The following IFT140 variants were observed in gnomAD, a reference collection of about 807,000 sequenced individuals.
IFT140 encodes the protein intraflagellar transport protein 140 homolog.
A neutral mutation model predicts 164.6 loss-of-function variants in IFT140; 133 were observed. That is an observed-to-expected ratio of 0.81 (90% CI 0.70 to 0.93). The LOEUF (loss-of-function observed/expected upper bound fraction) is 0.93. Among genes scored for constraint, IFT140 ranks in the 40% least tolerant of loss-of-function variants. The pLI is 0.00. For synonymous variants in IFT140, 860 were observed against 817.3 expected (o/e 1.05, Z -0.89); for missense variants, 2,045 against 1,972.3 (o/e 1.04, Z -0.70).
intron 19 of IFT140, among the ~76,000 whole-genome samples, chr16:1,545,063 G>A (rs2032050927): frequency 6.6e-6 from 1 of 152,232 alleles, no homozygotes; most frequent in African/African-American, 2.4e-5. Context: ...TCTTATTTCA[G>A]GACAAGATAG....
At position 1,602,695 on chromosome 16, in the gene IFT140, A is replaced by G. The variant is rs2035859313; in HGVS notation, c.148-104T>C. ...GGCGGCTCACTCCTGTAATTACAGC[A>G]CTTTGGGAGGCTGAGGTGGGTGGAT... On this transcript the variant is annotated intron_variant, in intron 3 of 30. Transcript: ENST00000426508. The G allele has an allele frequency of 3.9e-6, 4 of 1,037,832 alleles. No homozygotes were observed. In the South Asian group the frequency reaches 4.3e-5, roughly 11 times the overall value. The allele number at this position is 1,037,832 out of a possible 1,614,324, so 64.3% of individuals were successfully genotyped here. A position where few individuals can be genotyped will look rare whatever the true frequency, so the allele number is the denominator to read the frequency against.
chr16:1,533,288 G>A lies in IFT140; in HGVS notation c.2400-6492C>T, dbSNP rs1024697267. 1 of 152,150 alleles carries A rather than the reference G, an allele frequency of 6.6e-6. No individual in the cohort carries two copies. Among genetic ancestry groups the A allele is most frequent in the Admixed American group, 6.6e-5 (1 of 15,262 alleles). 9.4% of individuals were successfully genotyped at this position (152,150 alleles called of 1,614,324 possible). On this transcript the variant is annotated intron_variant, in intron 19 of 30. Coordinates refer to ENST00000426508, the MANE Select transcript of IFT140 (RefSeq NM_014714.4). This position sits in a 1 kb window ranked among gnomAD's most constrained non-coding sequence, Gnocchi z 4.7. ...TGGCGGGGGCAGGCCTGGAACACAC[G>A]GGCGGGGGGAGGCTTGTGGTTCCTA...
intron 18 of IFT140, among the ~76,000 whole-genome samples, chr16:1,558,635 C>T (rs1337160572): frequency 6.6e-6 from 1 of 152,162 alleles, no homozygotes; most frequent in African/African-American, 2.4e-5. Context: ...TCGGTGCTCC[C>T]GAGGGACCAC....
At chr16:1,605,050 T>A (rs142337793) in intron 3 of IFT140, among the ~76,000 whole-genome samples, 1 of 152,208 alleles carries the variant, frequency 6.6e-6, no homozygotes, top group East Asian at 1.9e-4. Context: ...CAGAGGGAAC[T>A]TCTAGGCAGG....
intron 15 of IFT140, 63 bp downstream of exon 15, chr16:1,568,154 G>T: frequency 8.5e-7 from 1 of 1,178,048 alleles, no homozygotes. Flanking sequence ...CAGGCAGGAG[G>T]CCTGGCCTGG....
At chr16:1,549,402 C>T (rs1203022983) in intron 19 of IFT140, among the ~76,000 whole-genome samples, 1 of 152,250 alleles carries the variant, frequency 6.6e-6, no homozygotes, top group Admixed American at 6.5e-5. Context: ...GAACGCGGCT[C>T]CAGACGCACC....
rs1183646172 is a variant in IFT140, at chr16:1,571,432, A to C, written c.1627T>G (p.Phe543Val). ...CTTCGGGAAAGATCAAAGCTTTTAA[A>C]GTGAGCCAAGTCTGTCCCTACAACC... The part of the protein sequence containing the change: ...FLVVGTDLAH[F>V]KSFDLSRREA... Residue 543 changes from phenylalanine (F) to valine (V), a missense_variant, in exon 14 of 31, where the codon TTT (phenylalanine) becomes GTT (valine). By Grantham distance (50) the Phe-to-Val change is conservative. Coordinates refer to ENST00000426508, the MANE Select transcript of IFT140 (RefSeq NM_014714.4). The C allele has an allele frequency of 1.9e-6, 3 of 1,613,348 alleles. No individual in the cohort carries two copies. The East Asian group carries it at 6.7e-5, about 36-fold the overall frequency.
Position 1,511,696 on chromosome 16 carries a change from G to T in IFT140, c.4183-546C>A, listed in dbSNP as rs73497505. On this transcript the variant is annotated intron_variant, in intron 30 of 30. Transcript: ENST00000426508. The stretch of plus-strand genomic sequence containing the variant: ...TTTAAGGAAGGCCTCAGCTGGGGTG[G>T]GCGCTGGTGGAGTGCAAGCCTTCCA... 6.2e-3 allele frequency among the ~76,000 whole-genome samples: 948 copies of T among 152,184 alleles called. 10 individuals are homozygous for T. Among genetic ancestry groups the T allele is most frequent in the African/African-American group, 0.022 (908 of 41,508 alleles).
At chr16:1,561,371 A>G (rs773381039) in intron 18 of IFT140, among the ~76,000 whole-genome samples, 14 of 152,150 alleles carry the variant, frequency 9.2e-5, no homozygotes, top group Non-Finnish European at 1.8e-4. Flanking sequence ...GTTCAAAAGA[A>G]CCTACTGGGG....
chr16:1,597,164 G>T (rs1390992308), intron 4 of IFT140, among the ~76,000 whole-genome samples: 2 of 152,174 alleles, frequency 1.3e-5, no homozygotes, highest in Non-Finnish European at 2.9e-5. Flanking sequence ...CGCGTCAGGT[G>T]AGGGTTTACT....
At chr16:1,538,475 G>T (rs1432500033) in intron 19 of IFT140, among the ~76,000 whole-genome samples, 4 of 152,172 alleles carry the variant, frequency 2.6e-5, no homozygotes, top group Non-Finnish European at 4.4e-5. Context: ...GCCATTCTGG[G>T]CTATGCTCCT....
At chr16:1,521,917 TA>T (rs780485191) in intron 26 of IFT140, among the ~76,000 whole-genome samples, 17,206 of 131,442 alleles carry the variant, frequency 0.13, 1,717 homozygotes, top group African/African-American at 0.29. Flanking sequence ...CATTTATATT[TA>T]AAAAAAAAAA....
chr16:1,589,394 G>A (rs1180053206), intron 7 of IFT140, among the ~76,000 whole-genome samples: 1 of 152,208 alleles, frequency 6.6e-6, no homozygotes, highest in African/African-American at 2.4e-5. Flanking sequence ...ACCCAAAGAT[G>A]CAGGAGAATC....
At chr16:1,520,519 G>T in intron 27 of IFT140, 83 bp downstream of exon 27, 1 of 1,434,914 alleles carries the variant, frequency 7.0e-7, no homozygotes, top group Non-Finnish European at 9.5e-7. Context: ...GGGTCATCAC[G>T]AAGGCAAATG....
chr16:1,604,239 G>T (rs1211537594), intron 3 of IFT140, among the ~76,000 whole-genome samples: 1 of 150,742 alleles, frequency 6.6e-6, no homozygotes, highest in Non-Finnish European at 1.5e-5. Flanking sequence ...GGCAACAGGG[G>T]AGCCGCTGAC....
chr16:1,524,047 C>A, intron 24 of IFT140, 91 bp from the exon 25 acceptor site: 2 of 1,507,466 alleles, frequency 1.3e-6, no homozygotes, highest in Non-Finnish European at 1.8e-6. Flanking sequence ...GCGAACCCGC[C>A]CCTTCACTTT....
Position 1,510,544 on chromosome 16 carries a change from G to C in IFT140, c.*400C>G, listed in dbSNP as rs1461902926. On this transcript the variant is annotated 3_prime_UTR_variant, in exon 31 of 31. Coordinates refer to ENST00000426508, the MANE Select transcript of IFT140 (RefSeq NM_014714.4). Reference sequence around the variant, plus strand: ...GTCCCAGCTGTTGCTCAGGAGCCGTGGGCCCTGCAGGAGTATGGGGAGGAT... The same window carrying C: ...GTCCCAGCTGTTGCTCAGGAGCCGTCGGCCCTGCAGGAGTATGGGGAGGAT... 7.3e-6 allele frequency: 2 copies of C among 274,948 alleles called. No individual in the cohort carries two copies. The highest frequency in any genetic ancestry group is 4.6e-5 in the African/African-American group (2 of 43,824). The allele number at this position is 274,948 out of a possible 1,614,324, so 17.0% of individuals were successfully genotyped here. A position where few individuals can be genotyped will look rare whatever the true frequency, so the allele number is the denominator to read the frequency against.
Position 1,520,155 on chromosome 16 carries a change from A to T in IFT140, c.3849T>A (p.Ala1283=), listed in dbSNP as rs1446825209. 6.2e-7 allele frequency: 1 copy of T among 1,614,146 alleles called. No homozygotes were observed. The highest frequency in any genetic ancestry group is 1.1e-5 in the South Asian group (1 of 91,084). ...YTKGRALDLL[A]GFYDACAQVE... ...CCTGGGCACAAGCGTCATAAAAGCC[A>T]GCCAGGAGGTCCAGGGCCCGCCCCT... Residue 1283 remains alanine, a synonymous_variant, in exon 28 of 31, where the codon GCT becomes GCA. Transcript: ENST00000426508.
Position 1,571,440 on chromosome 16 carries a change from A to T in IFT140, c.1619T>A (p.Leu540Ter), listed in dbSNP as rs779517561. The change falls in exon 14 of 31, where the codon TTG becomes TAG. Residue 540 changes from leucine (L) to a stop codon, truncating the protein, a stop_gained. Coordinates refer to ENST00000426508, the MANE Select transcript of IFT140 (RefSeq NM_014714.4). LOFTEE classifies it high-confidence loss of function. Reference sequence around the variant, plus strand: ...AAGATCAAAGCTTTTAAAGTGAGCCAAGTCTGTCCCTACAACCAGGAAATT... The same window carrying T: ...AAGATCAAAGCTTTTAAAGTGAGCCTAGTCTGTCCCTACAACCAGGAAATT... ...CGNFLVVGTD[L>*]AHFKSFDLSR... 6.2e-7 allele frequency: 1 copy of T among 1,614,182 alleles called. No individual in the cohort carries two copies. Among genetic ancestry groups the T allele is most frequent in the East Asian group, 2.2e-5 (1 of 44,890 alleles).
Sources: gnomAD v4.1 joint callset for allele counts (sites outside exome capture counted in the v4.1 genomes callset) on GRCh38, gnomAD v4.1.1 for gene constraint, Gnocchi (gnomAD v3.1) non-coding constraint, MANE v1.5 for transcripts, NCBI Gene and HGNC (gene_info 2026-07-23, HGNC 2026-07-21) for gene names.